Variants in MYT1L observed in about 807,000 individuals in gnomAD.
The protein encoded by MYT1L is myelin transcription factor 1-like protein.
In MYT1L, 12 loss-of-function variants were observed where a neutral mutation model predicts 126.7. That is an observed-to-expected ratio of 0.09 (90% confidence interval 0.06 to 0.15). MYT1L has a LOEUF of 0.15. Among genes scored for constraint, MYT1L ranks in the 10% least tolerant of loss-of-function variants. The pLI, the probability that MYT1L is intolerant of heterozygous loss-of-function variation, is 1.00. For missense variants in MYT1L, 979 were observed against 1,585.2 expected, an observed-to-expected ratio of 0.62 and a Z score of 6.49; for synonymous variants, 541 against 604.2, an observed-to-expected ratio of 0.90 and a Z score of 1.53.
At chr2:2,104,985 C>T (rs760373653) in intron 3 of MYT1L, among the ~76,000 whole-genome samples, 5 of 152,192 alleles carry the variant, frequency 3.3e-5, no homozygotes, top group South Asian at 2.1e-4. Flanking sequence ...CATTACATTA[C>T]TACTGAAAAT....
At chr2:1,803,184 C>T (rs1435307783) in intron 22 of MYT1L, among the ~76,000 whole-genome samples, 1 of 152,128 alleles carries the variant, frequency 6.6e-6, no homozygotes, top group Non-Finnish European at 1.5e-5. Flanking sequence ...TAAAAATACC[C>T]AATGCAAAAA....
chr2:1,817,590 G>A (rs770176046), intron 21 of MYT1L, among the ~76,000 whole-genome samples: 18 of 152,214 alleles, frequency 1.2e-4, no homozygotes, highest in Non-Finnish European at 2.2e-4. Context: ...ATTCCAATCC[G>A]GTGACTGCAC....
chr2:2,041,192 G>C (rs1453828940), intron 4 of MYT1L, among the ~76,000 whole-genome samples: 1 of 152,118 alleles, frequency 6.6e-6, no homozygotes, highest in Non-Finnish European at 1.5e-5. Context: ...TTACAGCTTT[G>C]GGGAAAGGTG....
chr2:2,291,392 C>T (rs993231779), intron 1 of MYT1L, among the ~76,000 whole-genome samples: 4 of 152,148 alleles, frequency 2.6e-5, no homozygotes, highest in African/African-American at 9.7e-5. Context: ...ACTGAAGCCC[C>T]ATGCCTGCCC....
intron 13 of MYT1L, among the ~76,000 whole-genome samples, chr2:1,906,027 A>G (rs1207103658): frequency 6.6e-6 from 1 of 152,228 alleles, no homozygotes; most frequent in Non-Finnish European, 1.5e-5. Context: ...TAACAGGTTT[A>G]AAACTATTGT....
intron 18 of MYT1L, among the ~76,000 whole-genome samples, chr2:1,855,287 G>T (rs1025939151): frequency 1.3e-5 from 2 of 152,212 alleles, no homozygotes; most frequent in Admixed American, 6.5e-5. Flanking sequence ...GCGTGAAATC[G>T]ATTTACAAAC....
intron 21 of MYT1L, chr2:1,825,863 GCCT>G (rs1223572880): frequency 1.3e-5 from 2 of 152,336 alleles, no homozygotes; most frequent in Non-Finnish European, 2.9e-5. Context: ...CCGTGCGTGG[GCCT>G]CTGTCCTTGA....
chr2:1,811,549 A>ACTGCATCC lies in MYT1L; in HGVS notation c.3081-2390_3081-2383dup, dbSNP rs2036665090. On this transcript the variant is annotated intron_variant, in intron 21 of 24. Coordinates refer to ENST00000647738, the MANE Select transcript of MYT1L (RefSeq NM_001303052.2). The surrounding 1 kb of genome is among the most constrained non-coding windows in gnomAD (Gnocchi z 4.4). The stretch of plus-strand genomic sequence containing the variant: ...GCCCTGGCTTCTCCTGCTTGCCCTG[A>ACTGCATCC]CTGCATCCCCAGGAATCCGGACAGT... 2 of 152,166 alleles carry ACTGCATCC rather than the reference A, an allele frequency of 1.3e-5. No homozygotes were observed. Among genetic ancestry groups the ACTGCATCC allele is most frequent in the Non-Finnish European group, 2.9e-5 (2 of 68,032 alleles). The allele number at this position is 152,166 out of a possible 1,614,324, so 9.4% of individuals were successfully genotyped here.
chr2:1,877,561 T>C (rs544428592), intron 18 of MYT1L, among the ~76,000 whole-genome samples: 5 of 152,318 alleles, frequency 3.3e-5, no homozygotes, highest in Admixed American at 6.5e-5. Context: ...GTAGATTTTT[T>C]ATCCTTGTTC....
intron 3 of MYT1L, among the ~76,000 whole-genome samples, chr2:2,129,120 A>C (rs1410539293): frequency 6.6e-6 from 1 of 152,214 alleles, no homozygotes; most frequent in East Asian, 1.9e-4. Context: ...GAGAAGACAG[A>C]CGCTAATCCA....
At chr2:2,101,602 C>T (rs2078096362) in intron 3 of MYT1L, among the ~76,000 whole-genome samples, 1 of 151,834 alleles carries the variant, frequency 6.6e-6, no homozygotes, top group Non-Finnish European at 1.5e-5. Flanking sequence ...TCCAACCACG[C>T]ACCCTTCTAC....
chr2:1,893,651 G>A (rs1023882727), intron 14 of MYT1L, among the ~76,000 whole-genome samples: 3 of 152,168 alleles, frequency 2.0e-5, no homozygotes, highest in Admixed American at 6.5e-5. Context: ...CTGTGCCATC[G>A]GCAGCAGCTC....
intron 3 of MYT1L, among the ~76,000 whole-genome samples, chr2:2,092,966 G>GGT (rs1328288838): frequency 6.6e-6 from 1 of 152,224 alleles, no homozygotes; most frequent in Admixed American, 6.5e-5. Context: ...TCTCCACATG[G>GGT]GTGTGTGTGT....
At chr2:2,076,360 G>A (rs2075223919) in intron 3 of MYT1L, among the ~76,000 whole-genome samples, 1 of 152,160 alleles carries the variant, frequency 6.6e-6, no homozygotes, top group Admixed American at 6.5e-5. Flanking sequence ...GGAGTTTAAG[G>A]CAACGCCTTC....
At chr2:1,952,289 C>A (rs2057829788) in intron 8 of MYT1L, among the ~76,000 whole-genome samples, 1 of 151,962 alleles carries the variant, frequency 6.6e-6, no homozygotes, top group South Asian at 2.1e-4. Context: ...TATTTATTGT[C>A]TTGAATAGTA....
intron 5 of MYT1L, among the ~76,000 whole-genome samples, chr2:1,989,569 A>G (rs1164925006): frequency 6.6e-6 from 1 of 152,226 alleles, no homozygotes; most frequent in East Asian, 1.9e-4. Flanking sequence ...CACCTTCTTG[A>G]CAATACGGAA....
At chr2:1,953,778 G>A (rs185595681) in intron 8 of MYT1L, among the ~76,000 whole-genome samples, 162 of 152,256 alleles carry the variant, frequency 1.1e-3, no homozygotes, top group African/African-American at 3.8e-3. Context: ...TGCTTTTCAC[G>A]AAATCATACT....
At chr2:2,068,460 G>A (rs557717990) in intron 3 of MYT1L, among the ~76,000 whole-genome samples, 12 of 152,222 alleles carry the variant, frequency 7.9e-5, no homozygotes, top group Admixed American at 5.9e-4. Context: ...CTGGCTTCCT[G>A]CAAAGAATTC....
At chr2:1,865,716 A>C (rs1436434122) in intron 18 of MYT1L, among the ~76,000 whole-genome samples, 1 of 152,098 alleles carries the variant, frequency 6.6e-6, no homozygotes, top group African/African-American at 2.4e-5. Context: ...CAGGTTAGCA[A>C]GAAGGCCTGT....
Sources: allele counts gnomAD v4.1 joint callset (sites outside exome capture counted in the v4.1 genomes callset), GRCh38; gene constraint gnomAD v4.1.1; non-coding constraint Gnocchi (gnomAD v3.1); transcripts MANE v1.5; gene names NCBI Gene and HGNC (gene_info 2026-07-23, HGNC 2026-07-21).